The following PLCE1 variants were observed in gnomAD, a reference collection of about 807,000 sequenced individuals.
The protein encoded by PLCE1 is 1-phosphatidylinositol 4,5-bisphosphate phosphodiesterase epsilon-1.
PLCE1 carries 119 observed loss-of-function variants against 242.8 expected under a neutral mutation model. The observed-to-expected ratio is 0.49, with a 90% CI of 0.42 to 0.57. The LOEUF (loss-of-function observed/expected upper bound fraction) is 0.57. PLCE1 is among the 20% of genes least tolerant of loss of function. The probability of loss-of-function intolerance (pLI) is 0.00; values close to 1 mark genes in which losing one functional copy is unlikely to be tolerated. For synonymous variants in PLCE1, 945 were observed against 1,017.4 expected, an observed-to-expected ratio of 0.93 and a Z score of 1.35; for missense variants, 2,441 against 2,788.8, an observed-to-expected ratio of 0.88 and a Z score of 2.81.
chr10:94,324,472 C>T lies in PLCE1; in HGVS notation c.6625C>T (p.Gln2209Ter). The T allele has an allele frequency of 6.2e-7, 1 of 1,614,134 alleles. No individual in the cohort carries two copies. Among genetic ancestry groups the T allele is most frequent in the African/African-American group, 1.3e-5 (1 of 75,044 alleles). Residue 2209 changes from glutamine (Q) to a stop codon, truncating the protein, a stop_gained, in exon 31 of 33, where the codon CAG becomes TAG. Coordinates refer to ENST00000371380, the MANE Select transcript of PLCE1 (RefSeq NM_016341.4). LOFTEE classifies it high-confidence loss of function. ...NKKTTTPKSSQRVLLDQECVF... is the reference protein window; with the variant it reads ...NKKTTTPKSS ...GAAGACTACCACACCAAAGTCCTCT[C>T]AGCGGGTCCTTCTGGATCAGGAGTG...
At chr10:94,052,120 G>A (rs542806679) in intron 2 of PLCE1, among the ~76,000 whole-genome samples, 16 of 152,312 alleles carry the variant, frequency 1.1e-4, no homozygotes, top group African/African-American at 3.6e-4. Flanking sequence ...ACTAATGATT[G>A]ATTGAATAAG....
At chr10:94,140,754 C>T (rs1464381047) in intron 3 of PLCE1, among the ~76,000 whole-genome samples, 1 of 152,176 alleles carries the variant, frequency 6.6e-6, no homozygotes, top group Non-Finnish European at 1.5e-5. Flanking sequence ...CTTTACATGC[C>T]TACTAGGCAA....
chr10:94,089,361 G>A (rs1401642897), intron 2 of PLCE1: 3 of 1,604,198 alleles, frequency 1.9e-6, no homozygotes, highest in Non-Finnish European at 2.6e-6. Context: ...GATGCTGGAG[G>A]CTTAAAGAAG....
intron 1 of PLCE1, among the ~76,000 whole-genome samples, chr10:93,994,962 A>G (rs1360373748): frequency 7.9e-5 from 12 of 152,224 alleles, no homozygotes; most frequent in Non-Finnish European, 5.9e-5. Context: ...TTTTATTTGC[A>G]CGAAGGTCAT....
chr10:94,008,436 G>A (rs1331401600), intron 1 of PLCE1, among the ~76,000 whole-genome samples: 3 of 152,076 alleles, frequency 2.0e-5, no homozygotes, highest in Admixed American at 6.6e-5. Flanking sequence ...AGCCTCCTGA[G>A]TAACTGGGAT....
intron 2 of PLCE1, among the ~76,000 whole-genome samples, chr10:94,055,373 C>T (rs900622489): frequency 6.6e-6 from 1 of 150,484 alleles, no homozygotes. Flanking sequence ...TGTGGTGGTG[C>T]GATCTCCACT....
At chr10:94,254,710 A>G (rs2051002306) in intron 10 of PLCE1, among the ~76,000 whole-genome samples, 183 bp from the exon 11 acceptor site, 3 of 152,192 alleles carry the variant, frequency 2.0e-5, no homozygotes, top group Non-Finnish European at 2.9e-5. Flanking sequence ...CAGTTCTAAC[A>G]TGTAGCCAGT....
chr10:94,023,753 C>T (rs2061413754), intron 1 of PLCE1, among the ~76,000 whole-genome samples: 1 of 152,118 alleles, frequency 6.6e-6, no homozygotes. Context: ...GCTTTCTCAT[C>T]TACTTATTAG....
At chr10:94,273,743 T>C in intron 19 of PLCE1, 23 bp downstream of exon 19, 3 of 1,609,068 alleles carry the variant, frequency 1.9e-6, no homozygotes, top group South Asian at 2.2e-5. Flanking sequence ...GTTAAACCAG[T>C]TATGAAAAGG....
chr10:94,064,057 C>G (rs1237064539), intron 2 of PLCE1, among the ~76,000 whole-genome samples: 1 of 152,076 alleles, frequency 6.6e-6, no homozygotes, highest in Non-Finnish European at 1.5e-5. Flanking sequence ...GGGGCTTCAG[C>G]ACTCATTTTG....
chr10:94,235,890 G>C, intron 6 of PLCE1, 25 bp from the exon 7 acceptor site: 1 of 1,598,500 alleles, frequency 6.3e-7, no homozygotes, highest in Non-Finnish European at 8.6e-7. Flanking sequence ...AGTTGCAATA[G>C]CAAATTCTCG....
At chr10:94,009,973 A>G (rs780950318) in intron 1 of PLCE1, among the ~76,000 whole-genome samples, 44 of 152,314 alleles carry the variant, frequency 2.9e-4, no homozygotes, top group Admixed American at 5.9e-4. Context: ...TAGCTCCACT[A>G]GGTACAAAAC....
intron 2 of PLCE1, chr10:94,108,226 GT>G (rs2045826873): frequency 6.6e-6 from 1 of 152,240 alleles, no homozygotes; most frequent in African/African-American, 2.4e-5. Flanking sequence ...CACAAGCAAG[GT>G]GGGAGCTCCC....
chr10:94,145,631 C>G (rs545143010), intron 3 of PLCE1, among the ~76,000 whole-genome samples: 7 of 152,232 alleles, frequency 4.6e-5, no homozygotes, highest in Non-Finnish European at 1.0e-4. Context: ...CATACTAACC[C>G]CCACAAGATG....
At chr10:94,144,900 A>T (rs1411776860) in intron 3 of PLCE1, among the ~76,000 whole-genome samples, 1 of 152,220 alleles carries the variant, frequency 6.6e-6, no homozygotes, top group African/African-American at 2.4e-5. Context: ...TTTAAGCCTC[A>T]TATTTTTGCC....
At chr10:94,265,598 T>A in intron 14 of PLCE1, 49 bp from the exon 15 acceptor site, 1 of 1,487,292 alleles carries the variant, frequency 6.7e-7, no homozygotes. Flanking sequence ...TCTTTCCCCC[T>A]CTTAGTTTCC....
chr10:94,291,142 C>CT lies in PLCE1; in HGVS notation c.5036-2357dup, dbSNP rs776940025. Among the ~76,000 whole-genome samples, 19 of 151,458 alleles carry CT rather than the reference C, an allele frequency of 1.3e-4. No homozygotes were observed. In the East Asian group the frequency reaches 2.1e-3, roughly 17 times the overall value. ...TCATATGCACTGGAGTCAATTTATT[C>CT]TTTTTTTTTAAGTAATTCTTTTTCT... On this transcript the variant is annotated intron_variant, in intron 22 of 32. Coordinates refer to ENST00000371380, the MANE Select transcript of PLCE1 (RefSeq NM_016341.4).
chr10:94,057,027 C>T (rs1433065536), intron 2 of PLCE1, among the ~76,000 whole-genome samples: 1 of 152,096 alleles, frequency 6.6e-6, no homozygotes, highest in Non-Finnish European at 1.5e-5. Context: ...TGTGGATATA[C>T]CACTTTTTAT....
intron 4 of PLCE1, among the ~76,000 whole-genome samples, chr10:94,179,761 C>T (rs1389586715): frequency 6.6e-6 from 1 of 151,626 alleles, no homozygotes; most frequent in Admixed American, 6.6e-5. Context: ...CTGCCTTGGC[C>T]TCCCAATGTG....
Sources: gnomAD v4.1 joint callset for allele counts (sites outside exome capture counted in the v4.1 genomes callset) on GRCh38, gnomAD v4.1.1 for gene constraint, MANE v1.5 for transcripts, NCBI Gene and HGNC (gene_info 2026-07-23, HGNC 2026-07-21) for gene names.